The following DARS1 variants were observed in gnomAD, a reference collection of about 807,000 sequenced individuals.
DARS1 encodes the protein aspartyl-tRNA synthetase 1.
In DARS1, 51 loss-of-function variants were observed where a neutral mutation model predicts 68.8. That is an observed-to-expected ratio of 0.74 (90% confidence interval 0.59 to 0.94). DARS1 has a LOEUF of 0.94. Ranked by LOEUF, DARS1 falls within the 40% of genes least tolerant of loss-of-function variation. The pLI is 0.00. For synonymous variants in DARS1, 203 were observed against 190.4 expected, an observed-to-expected ratio of 1.07 and a Z score of -0.55; for missense variants, 607 against 597.3, an observed-to-expected ratio of 1.02 and a Z score of -0.17.
rs370805809 is a variant in DARS1 at position 135,907,390 on chromosome 2, T to G, written c.1432A>C (p.Met478Leu). ...GGGIGLERVT[M>L]LFLGLHNVRQ... ...ACATTATGCAATCCCAGAAACAGCATAGTAACTCGTTCCAATCCTGGGGAA... is the reference window on the plus strand; with the variant it reads ...ACATTATGCAATCCCAGAAACAGCAGAGTAACTCGTTCCAATCCTGGGGAA... Residue 478 changes from methionine (M) to leucine (L), a missense_variant, in exon 16 of 16, where the codon ATG (methionine) becomes CTG (leucine). By Grantham distance (15) the Met-to-Leu change is conservative. Transcript: ENST00000264161. The G allele has an allele frequency of 5.0e-6, 8 of 1,608,130 alleles. No homozygotes were observed. The African/African-American group carries it at 5.4e-5, about 11-fold the overall frequency.
Position 135,907,032 on chromosome 2 carries a change from T to C in DARS1, c.*284A>G. 1 of 204,318 alleles carries C rather than the reference T, an allele frequency of 4.9e-6. No individual in the cohort carries two copies. Among genetic ancestry groups the C allele is most frequent in the Non-Finnish European group, 9.9e-6 (1 of 101,232 alleles). The allele number at this position is 204,318 out of a possible 1,614,324, so 12.7% of individuals were successfully genotyped here. On this transcript the variant is annotated 3_prime_UTR_variant, in exon 16 of 16. Transcript: ENST00000264161. ...TTTACTGTAGTAACAGAATATGAAT[T>C]TGTAACATAACCATATGAATTTCTC...
intron 3 of DARS1, among the ~76,000 whole-genome samples, chr2:135,973,373 C>A (rs1184779645): frequency 6.6e-6 from 1 of 151,114 alleles, no homozygotes; most frequent in Admixed American, 6.6e-5. Flanking sequence ...AAAATCAAAA[C>A]AATTGAACTC....
chr2:135,977,099 T>C (rs1263255887), intron 3 of DARS1, among the ~76,000 whole-genome samples: 1 of 152,128 alleles, frequency 6.6e-6, no homozygotes, highest in Admixed American at 6.5e-5. Flanking sequence ...CACAAAAAAC[T>C]ACGATGGAAG....
chr2:135,939,157 A>G (rs1438239345), intron 5 of DARS1, among the ~76,000 whole-genome samples: 2 of 152,204 alleles, frequency 1.3e-5, no homozygotes, highest in African/African-American at 2.4e-5. Context: ...CACCAAGCGG[A>G]CCTAATAGAC....
intron 3 of DARS1, among the ~76,000 whole-genome samples, chr2:135,963,479 C>A (rs938365067): frequency 2.0e-5 from 3 of 151,434 alleles, no homozygotes; most frequent in African/African-American, 7.3e-5. Flanking sequence ...TCAAGCGATT[C>A]TCCTGCCTCA....
chr2:135,935,018 T>C (rs542236996), intron 5 of DARS1, among the ~76,000 whole-genome samples: 215 of 151,968 alleles, frequency 1.4e-3, no homozygotes, highest in African/African-American at 5.1e-3. Flanking sequence ...CTCAAACTCG[T>C]GACCTCGTGA....
intron 5 of DARS1, among the ~76,000 whole-genome samples, chr2:135,939,318 C>G (rs527613853): frequency 6.6e-6 from 1 of 152,290 alleles, no homozygotes; most frequent in East Asian, 1.9e-4. Flanking sequence ...TCTCTCAGAC[C>G]ACACTGCAAT....
chr2:135,914,698 A>AGT, intron 11 of DARS1, 187 bp from the exon 12 acceptor site: 1 of 570,282 alleles, frequency 1.8e-6, no homozygotes, highest in Non-Finnish European at 3.2e-6. Flanking sequence ...ACCTTGGTAC[A>AGT]GTGACTCAGT....
Position 135,983,569 on chromosome 2 carries a change from T to C in DARS1, c.67-115A>G, listed in dbSNP as rs1429574984. 6 of 549,110 alleles carry C rather than the reference T, an allele frequency of 1.1e-5. No homozygotes were observed. In the Admixed American group the frequency reaches 2.2e-4, roughly 20 times the overall value. 34.0% of individuals were successfully genotyped at this position (549,110 alleles called of 1,614,324 possible). On this transcript the variant is annotated intron_variant, in intron 1 of 15. Transcript: ENST00000264161. ...GAATTTAACTTTCAGGATCATTTTA[T>C]TAATTCAGAAAGTCAGTAGTTTCAT... is the stretch of plus-strand genomic sequence containing the variant.
At chr2:135,924,585 C>A (rs1681175385) in intron 7 of DARS1, 87 bp from the exon 8 acceptor site, 6 of 1,477,008 alleles carry the variant, frequency 4.1e-6, no homozygotes, top group Non-Finnish European at 5.4e-6. Flanking sequence ...GGAAACCTAA[C>A]AATTCTTGCT....
At chr2:135,978,375 C>T (rs1682549010) in intron 3 of DARS1, among the ~76,000 whole-genome samples, 1 of 152,136 alleles carries the variant, frequency 6.6e-6, no homozygotes, top group South Asian at 2.1e-4. Flanking sequence ...TCTTAGAAAG[C>T]TTCTAGCTTC....
intron 2 of DARS1, 58 bp from the exon 3 acceptor site, chr2:135,979,424 CAA>C (rs1682573798): frequency 3.7e-6 from 3 of 812,818 alleles, no homozygotes; most frequent in South Asian, 1.5e-5. Context: ...TCAGAATTTA[CAA>C]AGAGATCATA....
intron 4 of DARS1, among the ~76,000 whole-genome samples, chr2:135,960,701 G>T (rs1682079472): frequency 6.6e-6 from 1 of 152,006 alleles, no homozygotes; most frequent in Non-Finnish European, 1.5e-5. Context: ...AAAAAAACAT[G>T]AAACAAAATT....
chr2:135,930,178 G>C (rs1235145475), intron 7 of DARS1, among the ~76,000 whole-genome samples: 1 of 152,134 alleles, frequency 6.6e-6, no homozygotes, highest in Non-Finnish European at 1.5e-5. Flanking sequence ...GTTCATTAGT[G>C]AACTATAAAA....
intron 4 of DARS1, 23 bp from the exon 5 acceptor site, chr2:135,943,503 AC>A (rs1681654001): frequency 6.2e-7 from 1 of 1,608,896 alleles, no homozygotes; most frequent in South Asian, 1.1e-5. Context: ...AAAATTCCCA[AC>A]TTGAATCATC....
At chr2:135,921,984 A>C (rs1442292503) in intron 9 of DARS1, among the ~76,000 whole-genome samples, 1 of 152,244 alleles carries the variant, frequency 6.6e-6, no homozygotes, top group Non-Finnish European at 1.5e-5. Context: ...TAAGGTATCA[A>C]AAAACATATA....
intron 3 of DARS1, among the ~76,000 whole-genome samples, chr2:135,971,637 G>A (rs1682372112): frequency 6.6e-6 from 1 of 152,118 alleles, no homozygotes; most frequent in African/African-American, 2.4e-5. Flanking sequence ...AATTGGAAAG[G>A]AAGAAGTAAA....
chr2:135,963,627 C>CT (rs1311448794), intron 3 of DARS1, among the ~76,000 whole-genome samples: 1 of 151,282 alleles, frequency 6.6e-6, no homozygotes, highest in Admixed American at 6.6e-5. Context: ...CCACCTCAGC[C>CT]TCCCAAAGTG....
intron 4 of DARS1, among the ~76,000 whole-genome samples, chr2:135,959,882 C>A (rs954576330): frequency 8.6e-5 from 13 of 152,038 alleles, no homozygotes; most frequent in Admixed American, 6.5e-4. Flanking sequence ...TTTTCAAAAC[C>A]AAATTATTAT....
Sources: allele counts gnomAD v4.1 joint callset (sites outside exome capture counted in the v4.1 genomes callset), GRCh38; gene constraint gnomAD v4.1.1; transcripts MANE v1.5; gene names NCBI Gene and HGNC (gene_info 2026-07-23, HGNC 2026-07-21).